C6orf141: variants seen among roughly 807,000 people sequenced by gnomAD.
C6orf141 encodes chromosome 6 open reading frame 141.
For synonymous variants in C6orf141, 164 were observed against 140.5 expected, an observed-to-expected ratio of 1.17 and a Z score of -1.18; for missense variants, 361 against 335.8, an observed-to-expected ratio of 1.07 and a Z score of -0.59.
downstream of C6orf141, among the ~76,000 whole-genome samples, chr6:49,555,513 C>CTTTTTTTT (rs55766532): frequency 2.3e-4 from 31 of 132,604 alleles, 1 homozygote; most frequent in East Asian, 4.5e-4. Context: ...CCAGGCTAGT[C>CTTTTTTTT]TTTTTTTTTT....
At chr6:49,554,986 C>G (rs1167381829), downstream of C6orf141, 1 of 152,152 alleles carries the variant, frequency 6.6e-6, no homozygotes, top group African/African-American at 2.4e-5. Context: ...ATCCTCAATA[C>G]TAAGAAATCT....
Position 49,551,514 on chromosome 6 carries a change from A to C in C6orf141, c.722A>C (p.Glu241Ala). Residue 241 changes from glutamate to alanine, a missense_variant, in exon 1 of 1, where the codon GAA becomes GCA. By Grantham distance (107) the Glu-to-Ala change is moderately radical. Transcript: ENST00000529246. ...VSPSPGTWLE[E>A]IKL Reference sequence around the variant, plus strand: ...CCGTCTCCAGGGACTTGGCTCGAGGAAATTAAACTCTAATGAGTAGCTCGA... The same window carrying C: ...CCGTCTCCAGGGACTTGGCTCGAGGCAATTAAACTCTAATGAGTAGCTCGA... 1 of 1,550,928 alleles carries C rather than the reference A, an allele frequency of 6.4e-7. No individual in the cohort carries two copies. The highest frequency in any genetic ancestry group is 8.7e-7 in the Non-Finnish European group (1 of 1,146,956).
rs1770398710 is a variant in C6orf141, at chr6:49,551,151, G to A, written c.359G>A (p.Gly120Asp). 1.3e-6 allele frequency: 2 copies of A among 1,551,594 alleles called. No individual in the cohort carries two copies. The highest frequency in any genetic ancestry group is 2.4e-5 in the South Asian group (2 of 84,066). ...GGTGCAGAGGACCTTCCTCATGCGGGTGGAGAGGACCACGGCGAGGAGCCC... is the reference window on the plus strand; with the variant it reads ...GGTGCAGAGGACCTTCCTCATGCGGATGGAGAGGACCACGGCGAGGAGCCC... The part of the protein sequence containing the change: ...VAGAEDLPHA[G>D]GEDHGEEPNY... The change falls in exon 1 of 1, where the codon GGT becomes GAT. Residue 120 changes from glycine (G) to aspartate (D), a missense_variant. Transcript: ENST00000529246.
At chr6:49,558,404 GA>G (rs10716612) in intron 4 of C6orf141, among the ~76,000 whole-genome samples, 121,063 of 135,228 alleles carry the variant, frequency 0.9, 54,888 homozygotes, top group East Asian at 0.98. Context: ...CCCTGAGTTG[GA>G]AAAAAAAAAA....
In C6orf141 at chr6:49,551,036, G is replaced by C. The variant is rs140807555; in HGVS notation, c.244G>C (p.Glu82Gln). Residue 82 changes from glutamate (E) to glutamine (Q), a missense_variant, in exon 1 of 1, where the codon GAG (glutamate) becomes CAG (glutamine). By Grantham distance (29) the Glu-to-Gln change is conservative (BLOSUM62 2). Transcript: ENST00000529246. Reference protein sequence around the residue: ...GPRAGEELDRESWVREKVLFL... With the variant: ...GPRAGEELDRQSWVREKVLFL... ...TCGGGCCGGGGAGGAATTGGACCGT[G>C]AGTCCTGGGTCAGAGAGAAAGTGCT... 3 of 1,551,544 alleles carry C rather than the reference G, an allele frequency of 1.9e-6. No individual in the cohort carries two copies. Among genetic ancestry groups the C allele is most frequent in the Non-Finnish European group, 1.7e-6 (2 of 1,146,962 alleles).
chr6:49,551,452 G>A lies in C6orf141; in HGVS notation c.660G>A (p.Gly220=). 1 of 1,551,620 alleles carries A rather than the reference G, an allele frequency of 6.4e-7. No individual in the cohort carries two copies. The highest frequency in any genetic ancestry group is 1.4e-5 in the African/African-American group (1 of 73,168). The change falls in exon 1 of 1, where the codon GGG becomes GGA. Residue 220 remains glycine, a synonymous_variant. Transcript: ENST00000529246. ...CCCGGGCTCTCCAGGCACGAACAGG[G>A]GCATCCCGCGTCCACGCCGCGGGGA... ...AESRALQART[G]ASRVHAAGRR...
chr6:49,558,599 A>G (rs1399345512), intron 4 of C6orf141, among the ~76,000 whole-genome samples: 1 of 152,152 alleles, frequency 6.6e-6, no homozygotes, highest in Non-Finnish European at 1.5e-5. Context: ...TAAGGTGAAT[A>G]AAAAATTCTT....
chr6:49,560,523 T>TC (rs1773100513), intron 4 of C6orf141: 2 of 152,240 alleles, frequency 1.3e-5, no homozygotes, highest in South Asian at 4.1e-4. Context: ...CTTTCTGCTT[T>TC]CTTTTTTTAG....
In C6orf141 at chr6:49,551,023, G is replaced by A. The variant is rs1254470572; in HGVS notation, c.231G>A (p.Glu77=). The A allele has an allele frequency of 3.2e-6, 5 of 1,551,338 alleles. No homozygotes were observed. The highest frequency in any genetic ancestry group is 3.9e-5 in the Admixed American group (2 of 50,938). ...ADRALGPRAG[E]ELDRESWVRE... is the part of the protein sequence containing the mutation. The stretch of plus-strand genomic sequence containing the variant: ...GGGCCCTCGGACCTCGGGCCGGGGA[G>A]GAATTGGACCGTGAGTCCTGGGTCA... The change falls in exon 1 of 1, where the codon GAG becomes GAA. Residue 77 remains glutamate (E), a synonymous_variant. Transcript: ENST00000529246.
At chr6:49,554,914 GC>G (rs1459992998), downstream of C6orf141, 1 of 152,200 alleles carries the variant, frequency 6.6e-6, no homozygotes, top group African/African-American at 2.4e-5. Flanking sequence ...TATTTGAAGA[GC>G]CTGAGAAATC....
chr6:49,555,787 C>A (rs190400947), downstream of C6orf141, among the ~76,000 whole-genome samples: 6 of 151,906 alleles, frequency 3.9e-5, no homozygotes, highest in Non-Finnish European at 8.8e-5. Context: ...TGATTACAGG[C>A]GTGAGCCACC....
intron 4 of C6orf141, among the ~76,000 whole-genome samples, chr6:49,557,918 G>A (rs1772292690): frequency 6.6e-6 from 1 of 152,032 alleles, no homozygotes; most frequent in African/African-American, 2.4e-5. Context: ...TTTTGAGACA[G>A]TCTCACTGTG....
Position 49,551,278 on chromosome 6 carries a change from G to A in C6orf141, c.486G>A (p.Val162=), listed in dbSNP as rs2127264092. The A allele has an allele frequency of 3.2e-6, 5 of 1,551,756 alleles. No individual in the cohort carries two copies. Among genetic ancestry groups the A allele is most frequent in the Non-Finnish European group, 4.4e-6 (5 of 1,147,008 alleles). Residue 162 remains valine (V), a synonymous_variant, in exon 1 of 1, where the codon GTG becomes GTA. Transcript: ENST00000529246. ...ADPPKYVLVR[V]EDYQVTQEVL... is the part of the protein sequence containing the mutation. ...CACCCAAATACGTGCTTGTGCGGGT[G>A]GAGGATTATCAGGTAACACAAGAAG... is the stretch of plus-strand genomic sequence containing the variant.
Position 49,551,889 on chromosome 6 carries a change from A to G in C6orf141, c.*362A>G. The G allele has an allele frequency of 9.0e-7, 1 of 1,114,332 alleles. No individual in the cohort carries two copies. The highest frequency in any genetic ancestry group is 1.1e-6 in the Non-Finnish European group (1 of 901,120). 69.0% of individuals were successfully genotyped at this position (1,114,332 alleles called of 1,614,324 possible). ...CTCTTGTTTCTCTTTAGGACCTAGAAACAGAAGTGAAGTTTGAAGTCTGCT... is the reference window on the plus strand; with the variant it reads ...CTCTTGTTTCTCTTTAGGACCTAGAGACAGAAGTGAAGTTTGAAGTCTGCT... On this transcript the variant is annotated 3_prime_UTR_variant, in exon 1 of 1. Transcript: ENST00000529246.
In C6orf141 at chr6:49,551,915, C is replaced by G. The variant is rs1011339354; in HGVS notation, c.*388C>G. Reference sequence around the variant, plus strand: ...ACAGAAGTGAAGTTTGAAGTCTGCTCTCTGCAAAGAGGGTGGGAGTGGGTG... The same window carrying G: ...ACAGAAGTGAAGTTTGAAGTCTGCTGTCTGCAAAGAGGGTGGGAGTGGGTG... On this transcript the variant is annotated 3_prime_UTR_variant, in exon 1 of 1. Transcript: ENST00000529246. 4 of 1,084,734 alleles carry G rather than the reference C, an allele frequency of 3.7e-6. No homozygotes were observed. In the South Asian group the frequency reaches 1.2e-4, roughly 33 times the overall value. The allele number at this position is 1,084,734 out of a possible 1,614,324, so 67.2% of individuals were successfully genotyped here. A position where few individuals can be genotyped will look rare whatever the true frequency, so the allele number is the denominator to read the frequency against.
Position 49,551,962 on chromosome 6 carries a change from G to A in C6orf141, c.*435G>A. 1 of 1,009,254 alleles carries A rather than the reference G, an allele frequency of 9.9e-7. No homozygotes were observed. Among genetic ancestry groups the A allele is most frequent in the Non-Finnish European group, 1.2e-6 (1 of 836,328 alleles). The allele number at this position is 1,009,254 out of a possible 1,614,324, so 62.5% of individuals were successfully genotyped here. On this transcript the variant is annotated 3_prime_UTR_variant, in exon 1 of 1. Coordinates refer to ENST00000529246, the MANE Select transcript of C6orf141 (RefSeq NM_001145652.2). ...GGTGGAGAAGAGGCTTGTTTTAAAAGCCAAAAACAGAAAGTAAAAAGAAAT... is the reference window on the plus strand; with the variant it reads ...GGTGGAGAAGAGGCTTGTTTTAAAAACCAAAAACAGAAAGTAAAAAGAAAT...
At chr6:49,551,044 G>A (rs1221307512) in exon 1 of C6orf141, 2 of 1,551,554 alleles carry the variant, frequency 1.3e-6, no homozygotes, top group Non-Finnish European at 1.7e-6. Flanking sequence ...GTGAGTCCTG[G>A]GTCAGAGAGA....
chr6:49,558,082 TTAGTAGAGACGG>T (rs1772405703), intron 4 of C6orf141, among the ~76,000 whole-genome samples: 1 of 137,312 alleles, frequency 7.3e-6, no homozygotes, highest in African/African-American at 2.7e-5. Context: ...TTTTTTTTTT[TTAGTAGAGACGG>T]GTTTTGGGCA....
chr6:49,553,038 G>T (rs6927459), downstream of C6orf141: 8,815 of 152,244 alleles, frequency 0.058, 527 homozygotes, highest in African/African-American at 0.15. Context: ...TTCAAGCGAT[G>T]CTCCTACCTC....
Sources: gnomAD v4.1 joint callset for allele counts (sites outside exome capture counted in the v4.1 genomes callset) on GRCh38, gnomAD v4.1.1 for gene constraint, MANE v1.5 for transcripts, NCBI Gene and HGNC (gene_info 2026-07-23, HGNC 2026-07-21) for gene names.